The following DNAH17 variants were observed in gnomAD, a reference collection of about 807,000 sequenced individuals.
DNAH17 encodes the protein axonemal beta dynein heavy chain 17.
DNAH17 carries 376 observed loss-of-function variants against 485.6 expected under a neutral mutation model. The observed-to-expected ratio is 0.77, with a 90% CI of 0.71 to 0.84. The LOEUF is 0.84. DNAH17 is among the 40% of genes least tolerant of loss of function. DNAH17 has a pLI of 0.00. For missense variants in DNAH17, 6,370 were observed against 5,839.3 expected, an observed-to-expected ratio of 1.09 and a Z score of -2.96; for synonymous variants, 3,031 against 2,405.9, an observed-to-expected ratio of 1.26 and a Z score of -7.60.
intron 4 of DNAH17, 44 bp downstream of exon 4, chr17:78,571,546 A>T: frequency 6.2e-7 from 1 of 1,608,566 alleles, no homozygotes. Flanking sequence ...CCGGTCGCCC[A>T]GCTGGGACGA....
intron 16 of DNAH17, among the ~76,000 whole-genome samples, chr17:78,548,202 C>CTTTTTTTTT (rs34701814): frequency 0.017 from 1,381 of 80,078 alleles, 150 homozygotes; most frequent in East Asian, 0.04. Context: ...ATGTCATGGC[C>CTTTTTTTTT]TTTTTTTTTT....
At position 78,461,747 on chromosome 17, in the gene DNAH17, G is replaced by A. The variant is rs367923727; in HGVS notation, c.9175-39C>T. On this transcript the variant is annotated intron_variant, in intron 57 of 80. Transcript: ENST00000389840. ...AACCGAGAAACAGCAAGTGTGGGCC[G>A]CAGCCGACACACGCCGCCCTGCACT... 484 of 1,581,624 alleles carry A rather than the reference G, an allele frequency of 3.1e-4. 1 individual carries two copies. The African/African-American group carries it at 5.2e-3, about 17-fold the overall frequency.
intron 11 of DNAH17, among the ~76,000 whole-genome samples, chr17:78,564,695 C>T (rs1271062571): frequency 6.6e-6 from 1 of 152,154 alleles, no homozygotes; most frequent in African/African-American, 2.4e-5. Context: ...TTGTGCACTG[C>T]AGGAAATACT....
At chr17:78,450,497 C>A in intron 67 of DNAH17, 103 bp from the exon 68 acceptor site, 2 of 1,500,584 alleles carry the variant, frequency 1.3e-6, no homozygotes, top group Non-Finnish European at 1.8e-6. Context: ...GGAAGCCACC[C>A]AAGGGCTCTC....
Position 78,476,540 on chromosome 17 carries a change from GCTCGGCAGAGGGA to G in DNAH17, c.8154+19_8154+31del. 6.3e-7 allele frequency: 1 copy of G among 1,590,060 alleles called. No homozygotes were observed. Among genetic ancestry groups the G allele is most frequent in the Non-Finnish European group, 8.6e-7 (1 of 1,167,864 alleles). ...CTCCACCCTCCTGGAGCCATTCTGG[GCTCGGCAGAGGGA>G]CTGGGCAGCTTGACTTACATCAAAG... is the stretch of plus-strand genomic sequence containing the variant. On this transcript the variant is annotated intron_variant, in intron 52 of 80. Transcript: ENST00000389840.
chr17:78,504,071 AT>A lies in DNAH17; in HGVS notation c.4957-1061del, dbSNP rs979845041. On this transcript the variant is annotated intron_variant, in intron 31 of 80. Transcript: ENST00000389840. ...AACCCTCAAGTGGACATGAGGGTAGATTTTTTTTTTTGGAGATGAAGTCTCA... is the reference window on the plus strand; with the variant it reads ...AACCCTCAAGTGGACATGAGGGTAGATTTTTTTTTTGGAGATGAAGTCTCA... Among the ~76,000 whole-genome samples the A allele has an allele frequency of 4.8e-3, 702 of 146,136 alleles. 1 individual carries two copies. The highest frequency in any genetic ancestry group is 0.014 in the Middle Eastern group (4 of 288).
intron 7 of DNAH17, among the ~76,000 whole-genome samples, chr17:78,569,989 G>A (rs1298763036): frequency 6.6e-6 from 1 of 152,190 alleles, no homozygotes; most frequent in African/African-American, 2.4e-5. Context: ...GATGGGTCTC[G>A]GGGTACGGGG....
intron 14 of DNAH17, among the ~76,000 whole-genome samples, chr17:78,556,220 T>TATCC (rs1486593181): frequency 1.3e-5 from 2 of 152,180 alleles, no homozygotes; most frequent in Non-Finnish European, 2.9e-5. Flanking sequence ...CCGATCTATC[T>TATCC]ATCCATCCAT....
intron 18 of DNAH17, 34 bp from the exon 19 acceptor site, chr17:78,537,515 C>G: frequency 1.2e-6 from 2 of 1,606,184 alleles, no homozygotes; most frequent in Non-Finnish European, 1.7e-6. Context: ...GTGGTCAACA[C>G]CTCTGTCCTC....
At chr17:78,457,053 G>A (rs1366442956) in intron 62 of DNAH17, among the ~76,000 whole-genome samples, 1 of 152,250 alleles carries the variant, frequency 6.6e-6, no homozygotes, top group Non-Finnish European at 1.5e-5. Flanking sequence ...CGGCAGGTCT[G>A]CTCTGAGATG....
At position 78,505,325 on chromosome 17, in the gene DNAH17, C is replaced by G. The variant is rs1176772401; in HGVS notation, c.4924G>C (p.Val1642Leu). 2 of 1,613,842 alleles carry G rather than the reference C, an allele frequency of 1.2e-6. No individual in the cohort carries two copies. The highest frequency in any genetic ancestry group is 1.7e-6 in the Non-Finnish European group (2 of 1,179,882). ...GMYSKEDEYM[V>L]FDQECDLSGQ... Reference sequence around the variant, plus strand: ...GAGAGGTCGCATTCCTGATCAAAAACCATGTACTCGTCCTCCTTGCTGTAC... The same window carrying G: ...GAGAGGTCGCATTCCTGATCAAAAAGCATGTACTCGTCCTCCTTGCTGTAC... The change falls in exon 31 of 81, where the codon GTT becomes CTT. Residue 1642 changes from valine (V) to leucine (L), a missense_variant. Val to Leu is a conservative substitution (Grantham distance 32). Transcript: ENST00000389840.
Position 78,494,793 on chromosome 17 carries a change from T to A in DNAH17, c.6070A>T (p.Ile2024Phe). The change falls in exon 40 of 81, where the codon ATC becomes TTC. Residue 2024 changes from isoleucine (I) to phenylalanine (F), a missense_variant. Physicochemically the swap from Ile to Phe is conservative, Grantham distance 21 (BLOSUM62 0). Transcript: ENST00000389840. ...QDHYDWGLRA[I>F]KSVLVVAGSL... is the part of the protein sequence containing the mutation. ...CCGGCCACCACCAGCACAGACTTGATGGCTCTCAGGCCCCAGTCGTAATGA... is the reference window on the plus strand; with the variant it reads ...CCGGCCACCACCAGCACAGACTTGAAGGCTCTCAGGCCCCAGTCGTAATGA... 6.2e-7 allele frequency: 1 copy of A among 1,611,578 alleles called. No individual in the cohort carries two copies. The highest frequency in any genetic ancestry group is 1.1e-5 in the South Asian group (1 of 90,930).
chr17:78,478,458 TCACTATTGCCATCATCAC>T (rs1474315950), intron 51 of DNAH17, among the ~76,000 whole-genome samples: 38 of 144,880 alleles, frequency 2.6e-4, no homozygotes, highest in African/African-American at 9.5e-4. Context: ...ACCATCACCA[TCACTATTGCCATCATCAC>T]CACCATCACT....
intron 59 of DNAH17, 72 bp downstream of exon 59, chr17:78,460,090 C>A (rs1212819899): frequency 6.3e-7 from 1 of 1,583,842 alleles, no homozygotes; most frequent in African/African-American, 1.3e-5. Context: ...TGTGTCACCA[C>A]CCACGCCAAC....
chr17:78,572,325 T>C (rs900241947), intron 3 of DNAH17, among the ~76,000 whole-genome samples: 3 of 152,066 alleles, frequency 2.0e-5, no homozygotes, highest in African/African-American at 7.2e-5. Context: ...TCCCTCCCAC[T>C]CCCACTCACT....
intron 51 of DNAH17, 101 bp downstream of exon 51, chr17:78,478,924 T>C (rs1163761802): frequency 2.2e-6 from 2 of 893,408 alleles, no homozygotes; most frequent in African/African-American, 1.7e-5. Context: ...ATCACCACCA[T>C]CATCAGTCCA....
Position 78,494,046 on chromosome 17 carries a change from C to T in DNAH17, c.6398G>A (p.Gly2133Asp). ...SVFIVGNAGS[G>D]KSQVLKSLNK... ...GAGCGGGTGACACACCTGAGATTTG[C>T]CGCTGCCCGCATTCCCGACGATGAA... The change falls in exon 41 of 81, where the codon GGC becomes GAC. Residue 2133 changes from glycine (G) to aspartate (D), a missense_variant. By Grantham distance (94) the Gly-to-Asp change is moderately conservative. Transcript: ENST00000389840. The T allele has an allele frequency of 6.2e-7, 1 of 1,612,000 alleles. No homozygotes were observed. Among genetic ancestry groups the T allele is most frequent in the South Asian group, 1.1e-5 (1 of 90,884 alleles).
intron 21 of DNAH17, among the ~76,000 whole-genome samples, chr17:78,529,961 C>T (rs534418853): frequency 2.6e-5 from 4 of 152,316 alleles, no homozygotes; most frequent in Admixed American, 2.6e-4. Flanking sequence ...CTTCACTAGC[C>T]TCCCGGATGG....
In DNAH17 at chr17:78,492,617, G is replaced by A. The variant is rs1451982973; in HGVS notation, c.6541+16C>T. 3 of 1,613,066 alleles carry A rather than the reference G, an allele frequency of 1.9e-6. No individual in the cohort carries two copies. In the African/African-American group the frequency reaches 4.0e-5, roughly 22 times the overall value. ...AGGAGTGCCCCTGCAGCCTGTCCCG[G>A]GACCACCCTCGTTACCATCTTTCCA... On this transcript the variant is annotated intron_variant, in intron 42 of 80. Transcript: ENST00000389840.
Sources: gnomAD v4.1 joint callset for allele counts (sites outside exome capture counted in the v4.1 genomes callset) on GRCh38, gnomAD v4.1.1 for gene constraint, MANE v1.5 for transcripts, NCBI Gene and HGNC (gene_info 2026-07-23, HGNC 2026-07-21) for gene names.